C12orf75: variants seen among roughly 807,000 people sequenced by gnomAD.
C12orf75 encodes overexpressed in colon carcinoma 1 protein.
C12orf75 carries 4 observed loss-of-function variants against 11.4 expected under a neutral mutation model. The ratio of observed to expected loss-of-function variants is 0.35; its 90% CI spans 0.17 to 0.80. C12orf75 has a LOEUF of 0.80. Ranked by LOEUF, C12orf75 falls within the 30% of genes least tolerant of loss-of-function variation. The probability of loss-of-function intolerance (pLI) is 0.52; values close to 1 mark genes in which losing one functional copy is unlikely to be tolerated. For missense variants in C12orf75, 89 were observed against 80.4 expected, an observed-to-expected ratio of 1.11 and a Z score of -0.41; for synonymous variants, 30 against 30.0, an observed-to-expected ratio of 1.00 and a Z score of 0.00.
At chr12:105,355,894 T>G (rs1214017481) in intron 2 of C12orf75, among the ~76,000 whole-genome samples, 6 of 152,170 alleles carry the variant, frequency 3.9e-5, no homozygotes, top group Non-Finnish European at 8.8e-5. Flanking sequence ...GACAGGGAAT[T>G]TGCAGTCTGG....
At chr12:105,352,414 A>G (rs1440541453) in intron 2 of C12orf75, among the ~76,000 whole-genome samples, 3 of 152,210 alleles carry the variant, frequency 2.0e-5, no homozygotes, top group African/African-American at 4.8e-5. Context: ...TTTTCAGAAT[A>G]TACTGTATTA....
chr12:105,347,958 G>A (rs374197240), intron 1 of C12orf75, among the ~76,000 whole-genome samples: 1 of 152,176 alleles, frequency 6.6e-6, no homozygotes, highest in Non-Finnish European at 1.5e-5. Flanking sequence ...AATGTTTCTC[G>A]AAGTCTACCA....
chr12:105,333,345 C>A (rs1892460008), intron 1 of C12orf75, among the ~76,000 whole-genome samples: 1 of 152,194 alleles, frequency 6.6e-6, no homozygotes, highest in South Asian at 2.1e-4. Flanking sequence ...AAAATCTCAG[C>A]TGTGAGCTTG....
chr12:105,339,943 G>A (rs112055461), intron 1 of C12orf75, among the ~76,000 whole-genome samples: 3 of 151,956 alleles, frequency 2.0e-5, no homozygotes, highest in African/African-American at 7.3e-5. Context: ...AAAGATAAAA[G>A]TATGTTCTTC....
chr12:105,355,174 C>T (rs11112489), intron 2 of C12orf75, among the ~76,000 whole-genome samples: 42,650 of 74,630 alleles, frequency 0.57, 10,537 homozygotes, highest in East Asian at 0.77. Context: ...TTTTCTTTTT[C>T]TTTTTCTTTT....
intron 1 of C12orf75, among the ~76,000 whole-genome samples, chr12:105,332,655 T>C (rs1892447088): frequency 6.6e-6 from 1 of 150,850 alleles, no homozygotes; most frequent in African/African-American, 2.4e-5. Flanking sequence ...TGCTTGAACC[T>C]GGGAGGCGGA....
chr12:105,366,267 A>T (rs890559531), intron 3 of C12orf75: 1 of 265,722 alleles, frequency 3.8e-6, no homozygotes, highest in Non-Finnish European at 7.0e-6. Flanking sequence ...ATATCATACC[A>T]TGTTGACCAC....
In C12orf75 at chr12:105,353,356, A is replaced by G. The variant is rs540927806; in HGVS notation, c.71+4730A>G. Among the ~76,000 whole-genome samples the G allele has an allele frequency of 2.6e-5, 4 of 152,344 alleles. No homozygotes were observed. The South Asian group carries it at 8.3e-4, about 32-fold the overall frequency. On this transcript the variant is annotated intron_variant, in intron 2 of 5. Coordinates refer to ENST00000443585, the MANE Select transcript of C12orf75 (RefSeq NM_001145199.2). ...CTTCTTTTTCCTTGTAGTTTGATCA[A>G]AAGTCCTAGGGCTGGGCTCTCTTGG... is the stretch of plus-strand genomic sequence containing the variant.
At chr12:105,345,842 T>G (rs1043333320) in intron 1 of C12orf75, among the ~76,000 whole-genome samples, 1 of 151,552 alleles carries the variant, frequency 6.6e-6, no homozygotes, top group African/African-American at 2.4e-5. Context: ...TATTTTTTTT[T>G]TAGTAGAGAT....
intron 1 of C12orf75, among the ~76,000 whole-genome samples, chr12:105,339,244 T>C (rs371797523): frequency 6.9e-6 from 1 of 145,754 alleles, no homozygotes; most frequent in African/African-American, 2.5e-5. Context: ...CAGTTATATT[T>C]ATATAGTTCT....
chr12:105,363,793 A>G (rs1317580299), intron 2 of C12orf75, among the ~76,000 whole-genome samples: 1 of 151,830 alleles, frequency 6.6e-6, no homozygotes, highest in Non-Finnish European at 1.5e-5. Context: ...AAGATTTGGC[A>G]TTATATCTGA....
intron 2 of C12orf75, among the ~76,000 whole-genome samples, chr12:105,355,091 A>G (rs1249015329): frequency 6.6e-6 from 1 of 152,002 alleles, no homozygotes; most frequent in Non-Finnish European, 1.5e-5. Flanking sequence ...GGAGCAGCAC[A>G]GAAGTTGTTG....
chr12:105,355,484 A>G (rs147753022), intron 2 of C12orf75, among the ~76,000 whole-genome samples: 32 of 152,254 alleles, frequency 2.1e-4, no homozygotes, highest in African/African-American at 6.7e-4. Context: ...ATGGAGTTTT[A>G]AATTGACCAA....
intron 2 of C12orf75, among the ~76,000 whole-genome samples, chr12:105,365,403 A>G (rs558834695): frequency 1.3e-5 from 2 of 152,350 alleles, no homozygotes; most frequent in South Asian, 4.1e-4. Context: ...CATCTGGTCA[A>G]CCAGCTTATT....
chr12:105,332,994 A>C (rs573405884), intron 1 of C12orf75, among the ~76,000 whole-genome samples: 1 of 151,138 alleles, frequency 6.6e-6, no homozygotes, highest in South Asian at 2.1e-4. Flanking sequence ...GTTTGTGGAC[A>C]GTGCATGTGA....
intron 1 of C12orf75, among the ~76,000 whole-genome samples, chr12:105,345,429 G>T (rs1892626223): frequency 6.6e-6 from 1 of 151,852 alleles, no homozygotes; most frequent in South Asian, 2.1e-4. Flanking sequence ...GGCGGAGGTT[G>T]CAGTGAGCCA....
At chr12:105,355,531 G>A (rs1034511681) in intron 2 of C12orf75, among the ~76,000 whole-genome samples, 8 of 152,154 alleles carry the variant, frequency 5.3e-5, no homozygotes, top group African/African-American at 1.9e-4. Flanking sequence ...TTGGGTCAGG[G>A]TCAAAATCTT....
In C12orf75 at chr12:105,344,066, G is replaced by A. The variant is rs112123770; in HGVS notation, c.47-4536G>A. Among the ~76,000 whole-genome samples the A allele has an allele frequency of 7.7e-3, 1,168 of 152,294 alleles. 14 individuals are homozygous for A. The highest frequency in any genetic ancestry group is 0.025 in the African/African-American group (1,036 of 41,552). ...GGATGTTAAATGGTGAGCCCAGCAG[G>A]GAGGAGGCCCTTGATGGTGCCCATA... is the stretch of plus-strand genomic sequence containing the variant. On this transcript the variant is annotated intron_variant, in intron 1 of 5. Transcript: ENST00000443585.
chr12:105,337,280 G>T (rs187144709), intron 1 of C12orf75, among the ~76,000 whole-genome samples: 2 of 152,256 alleles, frequency 1.3e-5, no homozygotes, highest in East Asian at 3.9e-4. Context: ...GCAGTGAGCA[G>T]CCTGGGTGAC....
Sources: allele counts gnomAD v4.1 joint callset (sites outside exome capture counted in the v4.1 genomes callset), GRCh38; gene constraint gnomAD v4.1.1; transcripts MANE v1.5; gene names NCBI Gene and HGNC (gene_info 2026-07-23, HGNC 2026-07-21).